Variants in AGBL1 observed in about 807,000 individuals in gnomAD.
AGBL1 encodes the protein AGBL carboxypeptidase 1, also known as cytosolic carboxypeptidase 4.
A neutral mutation model predicts 118.9 loss-of-function variants in AGBL1; 130 were observed. The ratio of observed to expected loss-of-function variants is 1.09; its 90% CI spans 0.95 to 1.26. AGBL1 has a LOEUF of 1.26. Ranked by LOEUF, AGBL1 falls within the 50% of genes most tolerant of loss-of-function variation. The pLI is 0.00. For synonymous variants in AGBL1, 555 were observed against 478.9 expected (o/e 1.16, Z -2.08); for missense variants, 1,584 against 1,298.1 (o/e 1.22, Z -3.38).
chr15:86,164,898 A>G (rs1164459819), intron 5 of AGBL1, among the ~76,000 whole-genome samples: 3 of 152,180 alleles, frequency 2.0e-5, no homozygotes, highest in Non-Finnish European at 4.4e-5. Context: ...AGCTGCCCCA[A>G]GGACACAGGA....
chr15:86,157,412 G>T (rs1249698522), intron 4 of AGBL1, among the ~76,000 whole-genome samples: 1 of 152,150 alleles, frequency 6.6e-6, no homozygotes, highest in Non-Finnish European at 1.5e-5. Flanking sequence ...GCATTTCCTG[G>T]TTTCCTAAAG....
intron 22 of AGBL1, among the ~76,000 whole-genome samples, chr15:86,826,557 A>T (rs569584166): frequency 6.6e-6 from 1 of 152,106 alleles, no homozygotes; most frequent in Non-Finnish European, 1.5e-5. Context: ...GGCTTGTTAG[A>T]TATAGATTTC....
At chr15:86,726,697 G>C (rs1271049732) in intron 22 of AGBL1, among the ~76,000 whole-genome samples, 2 of 152,116 alleles carry the variant, frequency 1.3e-5, no homozygotes, top group African/African-American at 4.8e-5. Context: ...GAGTAGCTGG[G>C]ACTACAGGCA....
intron 22 of AGBL1, among the ~76,000 whole-genome samples, chr15:86,680,215 T>G (rs1168743690): frequency 6.6e-6 from 1 of 152,194 alleles, no homozygotes; most frequent in Non-Finnish European, 1.5e-5. Flanking sequence ...TTTAATGACT[T>G]GCATTGCTCA....
intron 16 of AGBL1, among the ~76,000 whole-genome samples, chr15:86,294,787 C>T (rs891439890): frequency 5.9e-5 from 9 of 151,994 alleles, no homozygotes; most frequent in African/African-American, 1.7e-4. Flanking sequence ...TATGGGTACG[C>T]GTGAAGTTTT....
At chr15:86,436,532 T>C (rs2082002193) in intron 18 of AGBL1, among the ~76,000 whole-genome samples, 1 of 152,158 alleles carries the variant, frequency 6.6e-6, no homozygotes, top group South Asian at 2.1e-4. Flanking sequence ...GCTCATGCCA[T>C]CCATTTAATA....
intron 5 of AGBL1, among the ~76,000 whole-genome samples, chr15:86,206,858 T>A (rs2078001889): frequency 6.6e-6 from 1 of 152,238 alleles, no homozygotes; most frequent in Admixed American, 6.5e-5. Context: ...CCATTGCTTT[T>A]GGTGTTTTAG....
At chr15:86,983,137 C>T (rs1045133073) in intron 23 of AGBL1, among the ~76,000 whole-genome samples, 3 of 151,934 alleles carry the variant, frequency 2.0e-5, no homozygotes, top group African/African-American at 7.3e-5. Context: ...TCCATGATTA[C>T]TATTGAGTTG....
rs574899316 is a variant in AGBL1, at chr15:86,454,478, C to T, written c.2555+56932C>T. ...CATAGCAGTTGTACTCATAATCACC[C>T]CAAACTGAGAAGTCACCAAATATTT... On this transcript the variant is annotated intron_variant, in intron 18 of 22. Coordinates refer to ENST00000614907, the MANE Select transcript of AGBL1 (RefSeq NM_001386094.1). Among the ~76,000 whole-genome samples, 4 of 152,152 alleles carry T rather than the reference C, an allele frequency of 2.6e-5. No homozygotes were observed. The South Asian group carries it at 8.3e-4, about 32-fold the overall frequency.
Position 86,954,136 on chromosome 15 carries a change from C to CA in AGBL1, c.3222-33845dup, listed in dbSNP as rs1188856219. On this transcript the variant is annotated intron_variant, in intron 23 of 24. Coordinates refer to the AGBL1 transcript ENST00000441037. ...ATCAGAATAGCTATTATTAAAAAGT[C>CA]AAAAAACAACAGAATCTGGTGAGGC... 6.6e-5 allele frequency among the ~76,000 whole-genome samples: 10 copies of CA among 151,924 alleles called. 1 individual carries two copies. The highest frequency in any genetic ancestry group is 1.3e-4 in the Non-Finnish European group (9 of 67,962).
chr15:86,366,158 G>T (rs2080884405), intron 17 of AGBL1, among the ~76,000 whole-genome samples: 1 of 152,072 alleles, frequency 6.6e-6, no homozygotes, highest in South Asian at 2.1e-4. Context: ...TCTAGAAAAG[G>T]CTGTAACACA....
intron 18 of AGBL1, among the ~76,000 whole-genome samples, chr15:86,487,698 G>T (rs548680390): frequency 6.6e-6 from 1 of 152,062 alleles, no homozygotes; most frequent in East Asian, 1.9e-4. Context: ...ATCTATTAAG[G>T]AATCAACTGC....
intron 5 of AGBL1, among the ~76,000 whole-genome samples, chr15:86,176,447 G>T (rs780103525): frequency 6.6e-6 from 1 of 152,216 alleles, no homozygotes; most frequent in Non-Finnish European, 1.5e-5. Context: ...CAGTCAGGTG[G>T]CTCTCAGGTT....
At chr15:86,517,853 T>G (rs2083140754) in intron 18 of AGBL1, among the ~76,000 whole-genome samples, 1 of 152,202 alleles carries the variant, frequency 6.6e-6, no homozygotes, top group Non-Finnish European at 1.5e-5. Context: ...CTGGGTGCAG[T>G]GTCTGGCCGA....
chr15:86,791,311 T>G (rs2141330213), intron 22 of AGBL1, among the ~76,000 whole-genome samples: 1 of 152,296 alleles, frequency 6.6e-6, no homozygotes, highest in South Asian at 2.1e-4. Context: ...GTACTTCCAT[T>G]TATTATTTGT....
intron 22 of AGBL1, among the ~76,000 whole-genome samples, chr15:86,726,774 C>T (rs1004273512): frequency 6.6e-6 from 1 of 152,100 alleles, no homozygotes; most frequent in Non-Finnish European, 1.5e-5. Flanking sequence ...AGGCTGGTCT[C>T]AAACTCATGG....
At chr15:86,709,628 A>G (rs1473545178) in intron 22 of AGBL1, among the ~76,000 whole-genome samples, 2 of 152,168 alleles carry the variant, frequency 1.3e-5, no homozygotes, top group Non-Finnish European at 2.9e-5. Context: ...AGAATAGCCA[A>G]CACAATCTTG....
intron 21 of AGBL1, among the ~76,000 whole-genome samples, chr15:86,563,046 T>C (rs961660661): frequency 2.0e-5 from 3 of 152,222 alleles, no homozygotes; most frequent in African/African-American, 2.4e-5. Context: ...TTTTCTTTAT[T>C]AGTCTTGCTA....
At chr15:86,418,265 A>G (rs1332894901) in intron 18 of AGBL1, among the ~76,000 whole-genome samples, 1 of 152,238 alleles carries the variant, frequency 6.6e-6, no homozygotes, top group African/African-American at 2.4e-5. Flanking sequence ...AGTTATGATC[A>G]TTCAACCACT....
Sources: gnomAD v4.1 joint callset for allele counts (sites outside exome capture counted in the v4.1 genomes callset) on GRCh38, gnomAD v4.1.1 for gene constraint, MANE v1.5 for transcripts, NCBI Gene and HGNC (gene_info 2026-07-23, HGNC 2026-07-21) for gene names.